Variants in SERPINI1 observed in about 807,000 individuals in gnomAD.
SERPINI1 encodes serpin family I member 1.
A neutral mutation model predicts 41.1 loss-of-function variants in SERPINI1; 19 were observed. The ratio of observed to expected loss-of-function variants is 0.46; its 90% CI spans 0.32 to 0.68. The LOEUF is 0.68. Ranked by LOEUF, SERPINI1 falls within the 30% of genes least tolerant of loss-of-function variation. The pLI, the probability that SERPINI1 is intolerant of heterozygous loss-of-function variation, is 0.03. For missense variants in SERPINI1, 460 were observed against 479.2 expected, an observed-to-expected ratio of 0.96 and a Z score of 0.37; for synonymous variants, 138 against 156.6, an observed-to-expected ratio of 0.88 and a Z score of 0.89.
At chr3:167,769,021 G>A (rs946910061) in intron 1 of SERPINI1, among the ~76,000 whole-genome samples, 3 of 151,354 alleles carry the variant, frequency 2.0e-5, no homozygotes, top group African/African-American at 7.3e-5. Flanking sequence ...TTGAGATGGA[G>A]TGTGGCTCTG....
At chr3:167,747,229 T>C (rs2108532475) in intron 1 of SERPINI1, among the ~76,000 whole-genome samples, 1 of 152,300 alleles carries the variant, frequency 6.6e-6, no homozygotes, top group South Asian at 2.1e-4. Flanking sequence ...AGTAGATTAC[T>C]AGTAAGGGAC....
intron 6 of SERPINI1, among the ~76,000 whole-genome samples, chr3:167,821,512 A>T (rs1178866831): frequency 6.6e-6 from 1 of 152,166 alleles, no homozygotes; most frequent in African/African-American, 2.4e-5. Flanking sequence ...CAGTAGCCAG[A>T]GTGCCTGACT....
intron 6 of SERPINI1, among the ~76,000 whole-genome samples, chr3:167,812,597 T>C (rs966734679): frequency 2.0e-5 from 3 of 152,244 alleles, no homozygotes; most frequent in African/African-American, 7.2e-5. Flanking sequence ...ATGTGTCTAA[T>C]ATTCCCTGCC....
chr3:167,789,303 A>G lies in SERPINI1; in HGVS notation c.175A>G (p.Met59Val), dbSNP rs1727418833. ...ATTGAGTATTGCTCTTGCAATGGGA[A>G]TGATGGAACTTGGGGCCCAAGGATC... ...SPLSIALAMG[M>V]MELGAQGSTQ... is the part of the protein sequence containing the mutation. The change falls in exon 2 of 9, where the codon ATG (methionine) becomes GTG (valine). Residue 59 changes from methionine (M) to valine (V), a missense_variant. Transcript: ENST00000446050. The G allele has an allele frequency of 2.5e-6, 4 of 1,614,186 alleles. No individual in the cohort carries two copies. The highest frequency in any genetic ancestry group is 3.3e-5 in the Admixed American group (2 of 60,028).
At chr3:167,751,170 A>G (rs1195777026) in intron 1 of SERPINI1, among the ~76,000 whole-genome samples, 4 of 152,036 alleles carry the variant, frequency 2.6e-5, no homozygotes, top group Middle Eastern at 3.4e-3. Context: ...TTATGTTAGG[A>G]AAAAAAAGAT....
intron 6 of SERPINI1, among the ~76,000 whole-genome samples, chr3:167,809,042 A>G (rs1228780581): frequency 6.6e-6 from 1 of 152,154 alleles, no homozygotes. Context: ...CTAAATGTCT[A>G]CTATATAAAT....
At chr3:167,753,056 C>G (rs1726093074) in intron 1 of SERPINI1, among the ~76,000 whole-genome samples, 1 of 152,180 alleles carries the variant, frequency 6.6e-6, no homozygotes, top group Non-Finnish European at 1.5e-5. Flanking sequence ...AAGGCAGAGC[C>G]CTTGTCTGCT....
chr3:167,764,538 C>T (rs888887513), intron 1 of SERPINI1, among the ~76,000 whole-genome samples: 3 of 152,172 alleles, frequency 2.0e-5, no homozygotes, highest in Non-Finnish European at 4.4e-5. Flanking sequence ...CCTCCCACAA[C>T]ACATGGGAAT....
chr3:167,768,916 T>C (rs1726650384), intron 1 of SERPINI1, among the ~76,000 whole-genome samples: 1 of 152,194 alleles, frequency 6.6e-6, no homozygotes, highest in South Asian at 2.1e-4. Context: ...GACCAGCTTT[T>C]TTTATGGCTT....
At chr3:167,742,614 C>T (rs925891003) in intron 1 of SERPINI1, among the ~76,000 whole-genome samples, 1 of 152,162 alleles carries the variant, frequency 6.6e-6, no homozygotes, top group African/African-American at 2.4e-5. Context: ...TGTGCACTAA[C>T]TGGCTCATGT....
At chr3:167,766,169 A>G (rs2108542748) in intron 1 of SERPINI1, among the ~76,000 whole-genome samples, 1 of 149,030 alleles carries the variant, frequency 6.7e-6, no homozygotes, top group South Asian at 2.1e-4. Flanking sequence ...AATTTACTGT[A>G]TTAGTTCATT....
At chr3:167,774,963 A>G (rs1726914350) in intron 1 of SERPINI1, among the ~76,000 whole-genome samples, 1 of 152,210 alleles carries the variant, frequency 6.6e-6, no homozygotes, top group East Asian at 1.9e-4. Context: ...AAAACAAGCT[A>G]CAAATATAAT....
chr3:167,807,880 GC>G (rs1711706217), intron 6 of SERPINI1, among the ~76,000 whole-genome samples: 1 of 152,064 alleles, frequency 6.6e-6, no homozygotes, highest in Non-Finnish European at 1.5e-5. Context: ...ACTTTGGGAG[GC>G]TGAGGTGGGG....
chr3:167,737,957 T>C (rs1323235035), intron 1 of SERPINI1, among the ~76,000 whole-genome samples: 1 of 152,066 alleles, frequency 6.6e-6, no homozygotes, highest in Non-Finnish European at 1.5e-5. Context: ...TTCAATATCA[T>C]TTGAAAAAAG....
At chr3:167,794,956 C>G (rs961089433) in intron 5 of SERPINI1, 132 bp downstream of exon 5, 15 of 723,730 alleles carry the variant, frequency 2.1e-5, no homozygotes, top group Non-Finnish European at 3.6e-5. Context: ...TCTTGTTCTT[C>G]TCCTTCTCTT....
intron 1 of SERPINI1, among the ~76,000 whole-genome samples, chr3:167,744,711 A>C (rs1390075833): frequency 1.5e-5 from 2 of 130,430 alleles, no homozygotes; most frequent in Non-Finnish European, 3.2e-5. Flanking sequence ...TATATATAAA[A>C]TATATATAAA....
intron 1 of SERPINI1, among the ~76,000 whole-genome samples, chr3:167,760,556 C>T (rs1225050438): frequency 1.5e-5 from 2 of 136,476 alleles, no homozygotes; most frequent in South Asian, 5.1e-4. Flanking sequence ...AAGCCTGGCT[C>T]CAAATTGTGT....
chr3:167,787,982 C>G (rs950468272), intron 1 of SERPINI1, among the ~76,000 whole-genome samples: 12 of 152,202 alleles, frequency 7.9e-5, no homozygotes, highest in African/African-American at 2.9e-4. Flanking sequence ...TATTAATGCT[C>G]AACCATAATT....
In SERPINI1 at chr3:167,801,983, C is replaced by T. The variant is rs544589033; in HGVS notation, c.882-5261C>T. ...CAGAAATAATGCCGCATATCTACAACTATCTGATCTTTGACAAACCTGAGA... is the reference window on the plus strand; with the variant it reads ...CAGAAATAATGCCGCATATCTACAATTATCTGATCTTTGACAAACCTGAGA... On this transcript the variant is annotated intron_variant, in intron 5 of 8. Coordinates refer to ENST00000446050, the MANE Select transcript of SERPINI1 (RefSeq NM_001122752.2). Among the ~76,000 whole-genome samples, 59 of 152,212 alleles carry T rather than the reference C, an allele frequency of 3.9e-4. 1 individual carries two copies. Among genetic ancestry groups the T allele is most frequent in the Admixed American group, 4.6e-4 (7 of 15,288 alleles).
Sources: allele counts gnomAD v4.1 joint callset (sites outside exome capture counted in the v4.1 genomes callset), GRCh38; gene constraint gnomAD v4.1.1; transcripts MANE v1.5; gene names NCBI Gene and HGNC (gene_info 2026-07-23, HGNC 2026-07-21).